The following MYLK4 variants were observed in gnomAD, a reference collection of about 807,000 sequenced individuals.
MYLK4 encodes myosin light chain kinase family member 4.
In MYLK4, 46 loss-of-function variants were observed where a neutral mutation model predicts 48.1. The ratio of observed to expected loss-of-function variants is 0.96; its 90% CI spans 0.75 to 1.22. The LOEUF (loss-of-function observed/expected upper bound fraction) is 1.22. Among genes scored for constraint, MYLK4 ranks in the 50% most tolerant of loss-of-function variants. The pLI is 0.00. For missense variants in MYLK4, 451 were observed against 486.1 expected, an observed-to-expected ratio of 0.93 and a Z score of 0.68; for synonymous variants, 170 against 180.8, an observed-to-expected ratio of 0.94 and a Z score of 0.48.
chr6:2,683,159 C>T lies in MYLK4; in HGVS notation c.549G>A (p.Val183=). ...TGCGGTCAAACAGCTCCCCACCATC[C>T]ACACTGCAGAGGGAAGAGGACTGAA... The part of the protein sequence containing the change: ...KNDIVLVMEY[V]DGGELFDRII... Residue 183 remains valine (V), a synonymous_variant, in exon 7 of 13, where the codon GTG becomes GTA. Transcript: ENST00000274643. 6.2e-7 allele frequency: 1 copy of T among 1,614,054 alleles called. No homozygotes were observed. Among genetic ancestry groups the T allele is most frequent in the African/African-American group, 1.3e-5 (1 of 74,982 alleles).
intron 2 of MYLK4, among the ~76,000 whole-genome samples, chr6:2,696,244 C>T (rs2113194331): frequency 6.6e-6 from 1 of 152,310 alleles, no homozygotes; most frequent in Non-Finnish European, 1.5e-5. Flanking sequence ...TATACGTACC[C>T]AGGGAGTGTC....
intron 7 of MYLK4, among the ~76,000 whole-genome samples, chr6:2,681,256 T>C (rs1197785537): frequency 6.6e-5 from 10 of 152,110 alleles, no homozygotes; most frequent in African/African-American, 2.2e-4. Flanking sequence ...GGAGAAGAGG[T>C]TCCAATGAGA....
rs1205096820 is a variant in MYLK4 at position 2,667,290 on chromosome 6, T to A, written c.*635A>T. The A allele has an allele frequency of 6.6e-6, 1 of 152,160 alleles. No individual in the cohort carries two copies. The highest frequency in any genetic ancestry group is 2.4e-5 in the African/African-American group (1 of 41,426). 9.4% of individuals were successfully genotyped at this position (152,160 alleles called of 1,614,324 possible). A position where few individuals can be genotyped will look rare whatever the true frequency, so the allele number is the denominator to read the frequency against. On this transcript the variant is annotated 3_prime_UTR_variant, in exon 13 of 13. Coordinates refer to ENST00000274643, the MANE Select transcript of MYLK4 (RefSeq NM_001012418.5). ...CACGCTGGGGACAATTCAGAATAAATGAAAGACACAGTGGCTGATGCCTCT... is the reference window on the plus strand; with the variant it reads ...CACGCTGGGGACAATTCAGAATAAAAGAAAGACACAGTGGCTGATGCCTCT...
intron 2 of MYLK4, among the ~76,000 whole-genome samples, chr6:2,717,841 T>A (rs1762922100): frequency 6.6e-6 from 1 of 152,172 alleles, no homozygotes; most frequent in African/African-American, 2.4e-5. Context: ...AACTCAGCAT[T>A]CCAGGATGTC....
intron 2 of MYLK4, among the ~76,000 whole-genome samples, chr6:2,705,092 G>C (rs1362390193): frequency 6.6e-6 from 1 of 152,246 alleles, no homozygotes; most frequent in Admixed American, 6.5e-5. Flanking sequence ...GTGGTAACCA[G>C]ATTGCTAAGC....
chr6:2,754,948 T>A (rs1483505139), upstream of MYLK4, among the ~76,000 whole-genome samples: 1 of 152,154 alleles, frequency 6.6e-6, no homozygotes, highest in Admixed American at 6.6e-5. Context: ...ATAGTAATTT[T>A]AAAAGTAATT....
chr6:2,768,841 CT>C, the MYLK4 span: 1 of 1,613,234 alleles, frequency 6.2e-7, no homozygotes, highest in Non-Finnish European at 8.5e-7. Context: ...GAAAACCATC[CT>C]TTTTATTGAT....
intron 2 of MYLK4, among the ~76,000 whole-genome samples, chr6:2,738,073 G>C (rs1763763842): frequency 6.7e-6 from 1 of 149,538 alleles, no homozygotes; most frequent in Non-Finnish European, 1.5e-5. Context: ...GTAGCAAGAG[G>C]CAGAAACGAA....
At chr6:2,700,283 T>C (rs978710325) in intron 2 of MYLK4, among the ~76,000 whole-genome samples, 1 of 152,190 alleles carries the variant, frequency 6.6e-6, no homozygotes, top group Non-Finnish European at 1.5e-5. Context: ...CTGGGGATGT[T>C]GGACACTATT....
chr6:2,744,379 T>G (rs534979493), intron 2 of MYLK4, among the ~76,000 whole-genome samples: 189 of 152,354 alleles, frequency 1.2e-3, no homozygotes, highest in Non-Finnish European at 1.3e-3. Context: ...AACTGCTGGC[T>G]GCCGAGGCTG....
intron 7 of MYLK4, among the ~76,000 whole-genome samples, chr6:2,682,069 T>C (rs1236429035): frequency 1.3e-5 from 2 of 152,150 alleles, no homozygotes; most frequent in African/African-American, 2.4e-5. Flanking sequence ...GGCACATAAA[T>C]CAAGACAGTG....
At chr6:2,674,204 T>C (rs1015615833) in intron 11 of MYLK4, among the ~76,000 whole-genome samples, 4 of 152,184 alleles carry the variant, frequency 2.6e-5, no homozygotes, top group Non-Finnish European at 5.9e-5. Context: ...AAGAAGTTAT[T>C]ACAGAGAGTG....
At position 2,683,522 on chromosome 6, in the gene MYLK4, C is replaced by A. The variant is rs1243144391; in HGVS notation, c.546-360G>T. 2.6e-5 allele frequency among the ~76,000 whole-genome samples: 4 copies of A among 151,808 alleles called. No homozygotes were observed. In the East Asian group the frequency reaches 5.8e-4, roughly 22 times the overall value. On this transcript the variant is annotated intron_variant, in intron 6 of 12. Coordinates refer to ENST00000274643, the MANE Select transcript of MYLK4 (RefSeq NM_001012418.5). ...GCAATCTCCGCCTCCCAGATTCAAG[C>A]GATTCTCATGCCTCAGTCTCCCAAG...
At chr6:2,668,106 AT>A (rs57839277) in intron 12 of MYLK4, among the ~76,000 whole-genome samples, 56,868 of 150,662 alleles carry the variant, frequency 0.38, 10,994 homozygotes, top group Non-Finnish European at 0.4. Flanking sequence ...TGTGCAAGAC[AT>A]TTTTTTTTTC....
At chr6:2,744,302 T>A (rs550185024) in intron 2 of MYLK4, among the ~76,000 whole-genome samples, 8 of 152,308 alleles carry the variant, frequency 5.3e-5, no homozygotes, top group African/African-American at 1.9e-4. Flanking sequence ...CTGCTGGCAA[T>A]AATTTACGAC....
At position 2,663,658 on chromosome 6, in the gene MYLK4, C is replaced by A. The variant is rs1285616806; in HGVS notation, c.*4267G>T. On this transcript the variant is annotated 3_prime_UTR_variant, in exon 13 of 13. Coordinates refer to ENST00000274643, the MANE Select transcript of MYLK4 (RefSeq NM_001012418.5). ...AAGATAAATAAGGTCCATGTTTATT[C>A]TTCAATATAATACATATACATGATT... The A allele has an allele frequency of 1.3e-5, 2 of 152,592 alleles. No individual in the cohort carries two copies. The highest frequency in any genetic ancestry group is 2.9e-5 in the Non-Finnish European group (2 of 68,030). The allele number at this position is 152,592 out of a possible 1,614,324, so 9.5% of individuals were successfully genotyped here. A position where few individuals can be genotyped will look rare whatever the true frequency, so the allele number is the denominator to read the frequency against.
chr6:2,765,987 T>C, the MYLK4 span: 1 of 1,395,506 alleles, frequency 7.2e-7, no homozygotes, highest in South Asian at 1.5e-5. Flanking sequence ...GGCGCCCGCC[T>C]TATCCCCGAC....
chr6:2,686,705 T>C (rs1761566412), intron 4 of MYLK4, among the ~76,000 whole-genome samples: 2 of 152,192 alleles, frequency 1.3e-5, no homozygotes, highest in Non-Finnish European at 2.9e-5. Context: ...TGCATCCTAC[T>C]GTGGGGCTGC....
the MYLK4 span, among the ~76,000 whole-genome samples, chr6:2,769,791 G>A: frequency 2.6e-5 from 4 of 152,220 alleles, no homozygotes; most frequent in Admixed American, 2.6e-4. Flanking sequence ...TATAAGCTAT[G>A]TGCCAGTTCA....
Sources: gnomAD v4.1 joint callset for allele counts (sites outside exome capture counted in the v4.1 genomes callset) on GRCh38, gnomAD v4.1.1 for gene constraint, MANE v1.5 for transcripts, NCBI Gene and HGNC (gene_info 2026-07-23, HGNC 2026-07-21) for gene names.